The following AGBL1 variants were observed in gnomAD, a reference collection of about 807,000 sequenced individuals.
The protein encoded by AGBL1 is cytosolic carboxypeptidase 4.
In AGBL1, 130 loss-of-function variants were observed where a neutral mutation model predicts 118.9. The ratio of observed to expected loss-of-function variants is 1.09; its 90% confidence interval spans 0.95 to 1.26. The LOEUF is 1.26. Among genes scored for constraint, AGBL1 ranks in the 50% most tolerant of loss-of-function variants. The probability of loss-of-function intolerance (pLI) is 0.00; values close to 1 mark genes in which losing one functional copy is unlikely to be tolerated. For missense variants in AGBL1, 1,584 were observed against 1,298.1 expected (o/e 1.22, Z -3.38); for synonymous variants, 555 against 478.9 (o/e 1.16, Z -2.08).
chr15:86,497,690 T>A (rs1036164443), intron 18 of AGBL1, among the ~76,000 whole-genome samples: 1 of 151,910 alleles, frequency 6.6e-6, no homozygotes, highest in Non-Finnish European at 1.5e-5. Context: ...AGTATGGGAC[T>A]CGGGATCTGA....
At chr15:86,139,203 T>A (rs550518770) in intron 1 of AGBL1, among the ~76,000 whole-genome samples, 57 of 152,216 alleles carry the variant, frequency 3.7e-4, no homozygotes, top group African/African-American at 1.3e-3. Flanking sequence ...GTGGAGAAGA[T>A]GTTAGAGGAA....
intron 1 of AGBL1, among the ~76,000 whole-genome samples, chr15:86,132,271 G>C (rs1409308489): frequency 6.6e-6 from 1 of 152,104 alleles, no homozygotes; most frequent in Non-Finnish European, 1.5e-5. Context: ...TGGAATGAAG[G>C]TGACTTGTAG....
intron 6 of AGBL1, among the ~76,000 whole-genome samples, chr15:86,225,402 C>T (rs2141932087): frequency 6.6e-6 from 1 of 152,290 alleles, no homozygotes; most frequent in East Asian, 1.9e-4. Context: ...GTTCTCAACT[C>T]AGCTCAGCTC....
chr15:86,297,313 T>C (rs1457242270), intron 17 of AGBL1, among the ~76,000 whole-genome samples: 3 of 152,196 alleles, frequency 2.0e-5, no homozygotes, highest in East Asian at 3.9e-4. Flanking sequence ...ATCATTGAGC[T>C]AGATCCTGAG....
At chr15:86,308,324 A>G (rs1238391162) in intron 17 of AGBL1, among the ~76,000 whole-genome samples, 4 of 151,950 alleles carry the variant, frequency 2.6e-5, no homozygotes, top group Non-Finnish European at 5.9e-5. Flanking sequence ...CCCTGATGAT[A>G]CTAGTGTTCT....
At chr15:86,554,775 T>A (rs183164999) in intron 21 of AGBL1, among the ~76,000 whole-genome samples, 680 of 152,260 alleles carry the variant, frequency 4.5e-3, no homozygotes, top group Non-Finnish European at 6.8e-3. Context: ...CTGCCCTCAC[T>A]AGCAAGCAGC....
intron 22 of AGBL1, among the ~76,000 whole-genome samples, chr15:86,708,885 C>T (rs984373258): frequency 2.6e-5 from 4 of 152,092 alleles, no homozygotes; most frequent in African/African-American, 7.2e-5. Context: ...TTGCCAAGTC[C>T]TAAATCATCC....
In AGBL1 at chr15:86,868,754, T is replaced by C. The variant is rs976335600; in HGVS notation, c.3159-38333T>C. Among the ~76,000 whole-genome samples the C allele has an allele frequency of 2.6e-5, 4 of 152,164 alleles. No individual in the cohort carries two copies. In the East Asian group the frequency reaches 7.7e-4, roughly 29 times the overall value. On this transcript the variant is annotated intron_variant, in intron 22 of 22. Transcript: ENST00000614907. ...TATCTGGGCTTATGTCCAACAAAAC[T>C]ACTAAAAAGTAAGGCCTGTGAACCA... is the stretch of plus-strand genomic sequence containing the variant.
At chr15:86,227,069 A>G (rs1567139785) in intron 6 of AGBL1, among the ~76,000 whole-genome samples, 1 of 152,172 alleles carries the variant, frequency 6.6e-6, no homozygotes, top group East Asian at 1.9e-4. Flanking sequence ...AAATTTTTAA[A>G]TGAATACATG....
chr15:86,198,515 C>T (rs1567120281), intron 5 of AGBL1, among the ~76,000 whole-genome samples: 1 of 152,012 alleles, frequency 6.6e-6, no homozygotes, highest in South Asian at 2.1e-4. Context: ...TAACTGAGTC[C>T]CCCTGAAATT....
chr15:86,269,963 A>G lies in AGBL1; in HGVS notation c.1883A>G (p.Gln628Arg), dbSNP rs1296211317. 2 of 1,613,990 alleles carry G rather than the reference A, an allele frequency of 1.2e-6. No homozygotes were observed. Among genetic ancestry groups the G allele is most frequent in the Non-Finnish European group, 1.7e-6 (2 of 1,179,884 alleles). The change falls in exon 14 of 23, where the codon CAG becomes CGG. Residue 628 changes from glutamine to arginine, a missense_variant. Gln to Arg is a conservative substitution (Grantham distance 43). Coordinates refer to ENST00000614907, the MANE Select transcript of AGBL1 (RefSeq NM_001386094.1). ...LLVNADVNSTQHQQWFYFKVS... is the reference protein window; with the variant it reads ...LLVNADVNSTRHQQWFYFKVS... ...GTCAACGCAGATGTGAATAGCACCC[A>G]GCACCAGCAGTGGTTCTATTTCAAA... is the stretch of plus-strand genomic sequence containing the variant.
chr15:86,832,594 C>A (rs1325059452), intron 22 of AGBL1, among the ~76,000 whole-genome samples: 5 of 152,190 alleles, frequency 3.3e-5, no homozygotes. Context: ...TAGAAAGAGT[C>A]ACACTTTTGC....
At chr15:86,246,181 G>A (rs1337243914) in intron 6 of AGBL1, among the ~76,000 whole-genome samples, 1 of 152,162 alleles carries the variant, frequency 6.6e-6, no homozygotes, top group African/African-American at 2.4e-5. Flanking sequence ...CACCACGCCC[G>A]GCCTGTGATT....
chr15:86,527,313 G>A lies in AGBL1; in HGVS notation c.2685+4374G>A, dbSNP rs530997202. 4.6e-5 allele frequency among the ~76,000 whole-genome samples: 7 copies of A among 152,288 alleles called. No individual in the cohort carries two copies. The East Asian group carries it at 1.4e-3, about 29-fold the overall frequency. On this transcript the variant is annotated intron_variant, in intron 19 of 22. Coordinates refer to ENST00000614907, the MANE Select transcript of AGBL1 (RefSeq NM_001386094.1). ...TCTGCTCTGACAACCTCTAATTGAA[G>A]AGCAGAACATTTATTTTAAAGCATG... is the stretch of plus-strand genomic sequence containing the variant.
At chr15:86,964,899 G>C (rs902396052) in intron 23 of AGBL1, among the ~76,000 whole-genome samples, 2 of 151,820 alleles carry the variant, frequency 1.3e-5, no homozygotes, top group African/African-American at 4.8e-5. Flanking sequence ...TTCTGTTCCC[G>C]TGACAGTTTG....
intron 22 of AGBL1, among the ~76,000 whole-genome samples, chr15:86,753,415 T>TA (rs35941815): frequency 4.3e-5 from 6 of 139,796 alleles, no homozygotes; most frequent in East Asian, 4.2e-4. Context: ...TTTTTTTTTT[T>TA]GAGACAGAGT....
chr15:86,973,979 T>A (rs530034717), intron 23 of AGBL1, among the ~76,000 whole-genome samples: 2 of 140,572 alleles, frequency 1.4e-5, no homozygotes, highest in South Asian at 4.3e-4. Context: ...ATATATTAAA[T>A]ATAAACATAT....
chr15:86,754,269 C>A (rs1234919493), intron 22 of AGBL1, among the ~76,000 whole-genome samples: 1 of 152,074 alleles, frequency 6.6e-6, no homozygotes, highest in Admixed American at 6.5e-5. Flanking sequence ...TTGTGTTTGT[C>A]TTTTCATGCA....
intron 18 of AGBL1, among the ~76,000 whole-genome samples, chr15:86,487,969 C>T (rs945802737): frequency 2.0e-5 from 3 of 152,008 alleles, no homozygotes; most frequent in African/African-American, 7.2e-5. Flanking sequence ...CCTTTGCTTT[C>T]TTCTCAATGA....
Sources: allele counts gnomAD v4.1 joint callset (sites outside exome capture counted in the v4.1 genomes callset), GRCh38; gene constraint gnomAD v4.1.1; transcripts MANE v1.5; gene names NCBI Gene and HGNC (gene_info 2026-07-23, HGNC 2026-07-21).